Variants in ZUP1 observed in about 807,000 individuals in gnomAD.
ZUP1 encodes the protein zinc finger containing ubiquitin peptidase 1, also known as zinc finger-containing ubiquitin peptidase 1.
Under a neutral mutation model 68.1 loss-of-function variants are expected in ZUP1, and 55 were observed. The ratio of observed to expected loss-of-function variants is 0.81; its 90% CI spans 0.65 to 1.01. ZUP1 has a LOEUF of 1.01. Among genes scored for constraint, ZUP1 ranks in the 50% least tolerant of loss-of-function variants. The pLI is 0.00. For missense variants in ZUP1, 684 were observed against 674.9 expected (o/e 1.01, Z -0.15); for synonymous variants, 223 against 221.5 (o/e 1.01, Z -0.06).
At chr6:116,660,582 G>C (rs529262579) in intron 3 of ZUP1, among the ~76,000 whole-genome samples, 154 bp downstream of exon 3, 36 of 152,304 alleles carry the variant, frequency 2.4e-4, no homozygotes, top group African/African-American at 8.2e-4. Flanking sequence ...ACTTCTAGCT[G>C]CTAAAGAAAT....
chr6:116,638,831 G>C (rs1043686248), intron 9 of ZUP1, among the ~76,000 whole-genome samples: 1 of 152,196 alleles, frequency 6.6e-6, no homozygotes, highest in African/African-American at 2.4e-5. Context: ...GCCAGACAGT[G>C]GGCGCAGGAC....
intron 2 of ZUP1, among the ~76,000 whole-genome samples, chr6:116,662,968 C>T (rs1002546761): frequency 2.0e-5 from 3 of 152,106 alleles, no homozygotes; most frequent in African/African-American, 7.2e-5. Context: ...CTTTTCCTAG[C>T]CCCTATACTA....
intron 4 of ZUP1, among the ~76,000 whole-genome samples, chr6:116,657,557 A>T (rs987328825): frequency 5.3e-5 from 8 of 152,204 alleles, no homozygotes; most frequent in Non-Finnish European, 1.0e-4. Context: ...AAAATCCTAC[A>T]TTAGGTCTTC....
chr6:116,652,287 C>T (rs375571009), intron 5 of ZUP1, 95 bp from the exon 6 acceptor site: 2 of 933,256 alleles, frequency 2.1e-6, no homozygotes, highest in Admixed American at 2.9e-5. Flanking sequence ...CGCACCATAC[C>T]TAAATCCTGT....
chr6:116,643,424 C>A (rs1776186965), intron 9 of ZUP1, among the ~76,000 whole-genome samples: 1 of 152,178 alleles, frequency 6.6e-6, no homozygotes, highest in South Asian at 2.1e-4. Flanking sequence ...ATCACGCTAC[C>A]TGACTTCAAA....
In ZUP1 at chr6:116,660,805, T is replaced by A. The variant is rs769625128; in HGVS notation, c.601A>T (p.Ile201Leu). Reference protein sequence around the residue: ...PLYDCPMCGLICTNYHILQEH... With the variant: ...PLYDCPMCGLLCTNYHILQEH... Reference sequence around the variant, plus strand: ...TGAAGAATATGGTAATTTGTACATATGAGCCCACACATAGGACAATCATAG... The same window carrying A: ...TGAAGAATATGGTAATTTGTACATAAGAGCCCACACATAGGACAATCATAG... Residue 201 changes from isoleucine (I) to leucine (L), a missense_variant, in exon 3 of 10, where the codon ATA (isoleucine) becomes TTA (leucine). Coordinates refer to ENST00000368576, the MANE Select transcript of ZUP1 (RefSeq NM_145062.3). 6.2e-7 allele frequency: 1 copy of A among 1,609,556 alleles called. No individual in the cohort carries two copies. The highest frequency in any genetic ancestry group is 8.5e-7 in the Non-Finnish European group (1 of 1,177,230).
Position 116,658,888 on chromosome 6 carries a change from A to C in ZUP1, c.707T>G (p.Leu236Trp). The C allele has an allele frequency of 6.2e-7, 1 of 1,612,318 alleles. No homozygotes were observed. Among genetic ancestry groups the C allele is most frequent in the South Asian group, 1.1e-5 (1 of 90,900 alleles). The change falls in exon 4 of 10, where the codon TTG becomes TGG. Residue 236 changes from leucine (L) to tryptophan (W), a missense_variant. Physicochemically the swap from Leu to Trp is moderately conservative, Grantham distance 61. Coordinates refer to ENST00000368576, the MANE Select transcript of ZUP1 (RefSeq NM_145062.3). Reference protein sequence around the residue: ...DRVQCSGDLQLAHQLQQEEDR... With the variant: ...DRVQCSGDLQWAHQLQQEEDR... The stretch of plus-strand genomic sequence containing the variant: ...TTCTTCTTGCTGAAGCTGGTGAGCC[A>C]ATTGTAGATCACCAGAACACTGGAC...
chr6:116,641,979 C>T (rs1084887), intron 9 of ZUP1, among the ~76,000 whole-genome samples: 32,240 of 151,824 alleles, frequency 0.21, 3,751 homozygotes, highest in Non-Finnish European at 0.28. Context: ...ATCAAACAGA[C>T]GCAATAAAAA....
At chr6:116,657,004 A>AACACAC (rs3033987) in intron 4 of ZUP1, 152 bp from the exon 5 acceptor site, 6 of 413,116 alleles carry the variant, frequency 1.5e-5, no homozygotes, top group African/African-American at 2.2e-5. Flanking sequence ...AAAAACTAAT[A>AACACAC]ACACACACAC....
chr6:116,657,787 C>T (rs2114271189), intron 4 of ZUP1, among the ~76,000 whole-genome samples: 1 of 152,232 alleles, frequency 6.6e-6, no homozygotes, highest in East Asian at 1.9e-4. Flanking sequence ...AAAAAAAGAA[C>T]ATTTAAAAAC....
intron 7 of ZUP1, among the ~76,000 whole-genome samples, chr6:116,648,254 T>G (rs1347308352): frequency 6.6e-6 from 1 of 152,224 alleles, no homozygotes; most frequent in African/African-American, 2.4e-5. Context: ...CCAGAAACAC[T>G]GTTTATACTA....
chr6:116,655,124 G>A (rs1776624652), intron 5 of ZUP1, among the ~76,000 whole-genome samples: 1 of 151,584 alleles, frequency 6.6e-6, no homozygotes, highest in African/African-American at 2.4e-5. Flanking sequence ...ATCCAGTTCT[G>A]GATGTAATAC....
intron 8 of ZUP1, chr6:116,646,163 T>G: frequency 2.7e-6 from 1 of 371,716 alleles, no homozygotes; most frequent in Non-Finnish European, 4.8e-6. Context: ...ACATTTTTAT[T>G]CTGCCAAATA....
intron 2 of ZUP1, among the ~76,000 whole-genome samples, chr6:116,663,925 T>A (rs1776917594): frequency 6.6e-6 from 1 of 151,996 alleles, no homozygotes; most frequent in South Asian, 2.1e-4. Flanking sequence ...CCAGCCTGGG[T>A]GACATAGTAA....
In ZUP1 at chr6:116,651,894, C is replaced by T. The variant is rs1776509631; in HGVS notation, c.1150+110G>A. 1.4e-5 allele frequency: 20 copies of T among 1,413,020 alleles called. 1 individual carries two copies. In the South Asian group the frequency reaches 2.6e-4, roughly 19 times the overall value. 87.5% of individuals were successfully genotyped at this position (1,413,020 alleles called of 1,614,324 possible). The stretch of plus-strand genomic sequence containing the variant: ...CTTCCTCTAACCAGAATTCAGGTTT[C>T]TTATATAAATATCCACTAACTGTTA... On this transcript the variant is annotated intron_variant, in intron 6 of 9. Transcript: ENST00000368576.
At chr6:116,666,494 C>G in intron 2 of ZUP1, 140 bp downstream of exon 2, 1 of 577,048 alleles carries the variant, frequency 1.7e-6, no homozygotes. Flanking sequence ...ATTTCAGTAA[C>G]AGCAAATGAA....
At chr6:116,651,111 T>G (rs1776476758) in intron 7 of ZUP1, among the ~76,000 whole-genome samples, 1 of 151,832 alleles carries the variant, frequency 6.6e-6, no homozygotes, top group Non-Finnish European at 1.5e-5. Context: ...CATATTATAG[T>G]AAAAGAGAAA....
At chr6:116,639,744 A>G (rs1776030581) in intron 9 of ZUP1, among the ~76,000 whole-genome samples, 1 of 152,246 alleles carries the variant, frequency 6.6e-6, no homozygotes, top group South Asian at 2.1e-4. Flanking sequence ...GGGAAAAAAC[A>G]GAGCAGAAAA....
In ZUP1 at chr6:116,652,186, A is replaced by G. The variant is rs1776527941; in HGVS notation, c.968T>C (p.Ile323Thr). ...DDGKTKTSGIIEALHRYYQNA... is the reference protein window; with the variant it reads ...DDGKTKTSGITEALHRYYQNA... ...CTGATAATACCTATGAAGTGCTTCA[A>G]TAATTCCTAAAGTAGAAAAGAGATT... is the stretch of plus-strand genomic sequence containing the variant. Residue 323 changes from isoleucine (I) to threonine (T), a missense_variant, in exon 6 of 10, where the codon ATT becomes ACT. Coordinates refer to ENST00000368576, the MANE Select transcript of ZUP1 (RefSeq NM_145062.3). 1.1e-5 allele frequency: 18 copies of G among 1,610,502 alleles called. No homozygotes were observed. Among genetic ancestry groups the G allele is most frequent in the Non-Finnish European group, 1.5e-5 (18 of 1,178,614 alleles).
Sources: allele counts gnomAD v4.1 joint callset (sites outside exome capture counted in the v4.1 genomes callset), GRCh38; gene constraint gnomAD v4.1.1; transcripts MANE v1.5; gene names NCBI Gene and HGNC (gene_info 2026-07-23, HGNC 2026-07-21).